The following DIP2A variants were observed in gnomAD, a reference collection of about 807,000 sequenced individuals.
The protein encoded by DIP2A is disco-interacting protein 2 homolog A.
DIP2A carries 85 observed loss-of-function variants against 177.4 expected under a neutral mutation model. That is an observed-to-expected ratio of 0.48 (90% confidence interval 0.40 to 0.57). The LOEUF (loss-of-function observed/expected upper bound fraction) is 0.57. DIP2A is among the 20% of genes least tolerant of loss of function. The pLI is 0.00. For missense variants in DIP2A, 1,791 were observed against 2,100.2 expected (o/e 0.85, Z 2.88); for synonymous variants, 886 against 881.8 (o/e 1.00, Z -0.08).
At chr21:46,508,353 CTTTTTTTTTT>C (rs571637777) in intron 6 of DIP2A, among the ~76,000 whole-genome samples, 2 of 90,506 alleles carry the variant, frequency 2.2e-5, no homozygotes, top group African/African-American at 4.4e-5. Flanking sequence ...TGGCCAATGA[CTTTTTTTTTT>C]TTTTTTTTTT....
At chr21:46,503,649 CTTTTTCTTTCTTTCTTTT>C (rs2057808442) in intron 5 of DIP2A, among the ~76,000 whole-genome samples, 1 of 101,260 alleles carries the variant, frequency 9.9e-6, no homozygotes, top group Admixed American at 1.0e-4. Context: ...TTCTTTCTTT[CTTTTTCTTTCTTTCTTTT>C]TCTTTCTTTC....
chr21:46,580,446 T>C, the DIP2A span, among the ~76,000 whole-genome samples: 1 of 152,206 alleles, frequency 6.6e-6, no homozygotes, highest in Non-Finnish European at 1.5e-5. Flanking sequence ...TCATTTACAT[T>C]TAAAGTTAGT....
intron 11 of DIP2A, among the ~76,000 whole-genome samples, 164 bp downstream of exon 11, chr21:46,533,811 C>T (rs78772570): frequency 1.6e-4 from 24 of 152,346 alleles, no homozygotes; most frequent in African/African-American, 5.5e-4. Flanking sequence ...CTTCATGTCT[C>T]GACCTGTACT....
chr21:46,540,095 T>C lies in DIP2A; in HGVS notation c.2036+104T>C. The C allele has an allele frequency of 3.1e-6, 3 of 963,290 alleles. No individual in the cohort carries two copies. In the South Asian group the frequency reaches 4.4e-5, roughly 14 times the overall value. The allele number at this position is 963,290 out of a possible 1,614,324, so 59.7% of individuals were successfully genotyped here. On this transcript the variant is annotated intron_variant, in intron 17 of 37. Transcript: ENST00000417564. ...CTGTGCCTGTTAGGATCCAGGCCCA[T>C]TTGTGCAGTAGTACCTTGGTGCCTG...
At chr21:46,559,906 C>T (rs921671312) in intron 32 of DIP2A, among the ~76,000 whole-genome samples, 4 of 152,190 alleles carry the variant, frequency 2.6e-5, no homozygotes, top group East Asian at 3.9e-4. Context: ...CTGTGCTTCC[C>T]CCTCCCATGA....
chr21:46,529,259 G>A, intron 9 of DIP2A, 76 bp downstream of exon 9: 1 of 937,618 alleles, frequency 1.1e-6, no homozygotes, highest in Non-Finnish European at 1.6e-6. Context: ...TGAAATTAGT[G>A]TTCTATCATT....
At chr21:46,508,484 G>C (rs899198699) in intron 6 of DIP2A, among the ~76,000 whole-genome samples, 2 of 146,128 alleles carry the variant, frequency 1.4e-5, no homozygotes, top group African/African-American at 2.5e-5. Flanking sequence ...TCAGCCTCCC[G>C]AGTAGCTGGG....
At position 46,460,764 on chromosome 21, in the gene DIP2A, G is replaced by T. The variant is rs2054223360; in HGVS notation, c.91+1542G>T. On this transcript the variant is annotated intron_variant, in intron 1 of 37. Coordinates refer to ENST00000417564, the MANE Select transcript of DIP2A (RefSeq NM_015151.4). ...GCTGGAGTGCAATGGCGTGATCTCGGCTCACTGCAACCTCTGCCTCCCAGG... is the reference window on the plus strand; with the variant it reads ...GCTGGAGTGCAATGGCGTGATCTCGTCTCACTGCAACCTCTGCCTCCCAGG... Among the ~76,000 whole-genome samples, 3 of 152,084 alleles carry T rather than the reference G, an allele frequency of 2.0e-5. No individual in the cohort carries two copies. In the South Asian group the frequency reaches 6.2e-4, roughly 32 times the overall value.
Position 46,537,687 on chromosome 21 carries a change from T to A in DIP2A, c.1801+148T>A. ...GGGACGTCTTTCTTGGTCACACCCC[T>A]GCCCAGGAATATGGGGGCTTTCTCT... On this transcript the variant is annotated intron_variant, in intron 15 of 37. Transcript: ENST00000417564. The surrounding 1 kb of genome is among the most constrained non-coding windows in gnomAD (Gnocchi z 4.1). 1 of 782,396 alleles carries A rather than the reference T, an allele frequency of 1.3e-6. No individual in the cohort carries two copies. The highest frequency in any genetic ancestry group is 2.1e-6 in the Non-Finnish European group (1 of 486,576). 48.5% of individuals were successfully genotyped at this position (782,396 alleles called of 1,614,324 possible). A position where few individuals can be genotyped will look rare whatever the true frequency, so the allele number is the denominator to read the frequency against.
intron 10 of DIP2A, 112 bp downstream of exon 10, chr21:46,532,349 A>T: frequency 2.4e-6 from 2 of 848,234 alleles, no homozygotes; most frequent in Admixed American, 2.6e-5. Context: ...GTTTTGACAG[A>T]GGAGAGAAAG....
chr21:46,564,617 G>T (rs1486280870), intron 35 of DIP2A, among the ~76,000 whole-genome samples: 2 of 152,232 alleles, frequency 1.3e-5, no homozygotes, highest in Non-Finnish European at 2.9e-5. Context: ...TCCTCTTGGG[G>T]AATGTGCTGT....
rs531720243 is a variant in DIP2A at position 46,550,126 on chromosome 21, T to C, written c.2637+241T>C. On this transcript the variant is annotated intron_variant, in intron 22 of 37. Coordinates refer to ENST00000417564, the MANE Select transcript of DIP2A (RefSeq NM_015151.4). ...AATATATCCATCACCTCAATATTTA[T>C]TTTTTTCTGATGAGAACATTTGAAA... 1.6e-5 allele frequency: 18 copies of C among 1,108,138 alleles called. No individual in the cohort carries two copies. In the South Asian group the frequency reaches 3.4e-4, roughly 21 times the overall value. 68.6% of individuals were successfully genotyped at this position (1,108,138 alleles called of 1,614,324 possible).
chr21:46,520,505 A>G (rs2148682456), intron 8 of DIP2A, among the ~76,000 whole-genome samples: 1 of 152,306 alleles, frequency 6.6e-6, no homozygotes, highest in Middle Eastern at 3.4e-3. Flanking sequence ...CCTCTATTCT[A>G]ATGTCGCAAC....
Position 46,560,444 on chromosome 21 carries a change from A to G in DIP2A, c.3970-278A>G, listed in dbSNP as rs537921343. Among the ~76,000 whole-genome samples the G allele has an allele frequency of 2.6e-5, 4 of 152,362 alleles. No individual in the cohort carries two copies. In the East Asian group the frequency reaches 7.7e-4, roughly 29 times the overall value. ...CAGCAAGAGACCAGTGGGAATAGAA[A>G]GTTGTTAGAACTGAAATGTAAAGTG... On this transcript the variant is annotated intron_variant, in intron 32 of 37. Coordinates refer to ENST00000417564, the MANE Select transcript of DIP2A (RefSeq NM_015151.4).
intron 1 of DIP2A, among the ~76,000 whole-genome samples, chr21:46,484,361 A>G (rs1305004247): frequency 6.6e-6 from 1 of 152,196 alleles, no homozygotes; most frequent in Admixed American, 6.5e-5. Flanking sequence ...TGTAACCACC[A>G]CTACACTCCC....
In DIP2A at chr21:46,554,923, C is replaced by A. The variant is rs1220949951; in HGVS notation, c.3378C>A (p.Ile1126=). The part of the protein sequence containing the change: ...AAVDIRTWPT[I]LDTDDIPKKK... ...TGGACATCAGGACCTGGCCCACCAT[C>A]CTAGACACAGGTGCGTGTCCTCGCA... Residue 1126 remains isoleucine (I), a synonymous_variant, in exon 28 of 38, where the codon ATC becomes ATA. Coordinates refer to ENST00000417564, the MANE Select transcript of DIP2A (RefSeq NM_015151.4). 2 of 1,552,206 alleles carry A rather than the reference C, an allele frequency of 1.3e-6. No individual in the cohort carries two copies. Among genetic ancestry groups the A allele is most frequent in the African/African-American group, 2.7e-5 (2 of 73,222 alleles).
At chr21:46,530,959 C>A (rs1317726277) in intron 9 of DIP2A, among the ~76,000 whole-genome samples, 2 of 152,132 alleles carry the variant, frequency 1.3e-5, no homozygotes, top group African/African-American at 4.8e-5. Context: ...CCCAGAGATT[C>A]AACAGATTTG....
intron 3 of DIP2A, among the ~76,000 whole-genome samples, chr21:46,493,853 T>C (rs1238900385): frequency 1.3e-5 from 2 of 152,198 alleles, no homozygotes; most frequent in African/African-American, 2.4e-5. Flanking sequence ...CTGGCCATCA[T>C]TGTATTATAG....
At chr21:46,529,241 T>C in intron 9 of DIP2A, 58 bp downstream of exon 9, 1 of 1,046,288 alleles carries the variant, frequency 9.6e-7, no homozygotes, top group South Asian at 1.5e-5. Flanking sequence ...TTAAATAATC[T>C]GTTTCATTGA....
Sources: gnomAD v4.1 joint callset for allele counts (sites outside exome capture counted in the v4.1 genomes callset) on GRCh38, gnomAD v4.1.1 for gene constraint, Gnocchi (gnomAD v3.1) non-coding constraint, MANE v1.5 for transcripts, NCBI Gene and HGNC (gene_info 2026-07-23, HGNC 2026-07-21) for gene names.